SFTPD: variants seen among roughly 807,000 people sequenced by gnomAD.
The protein encoded by SFTPD is pulmonary surfactant-associated protein D.
SFTPD carries 18 observed loss-of-function variants against 34.6 expected under a neutral mutation model. That is an observed-to-expected ratio of 0.52 (90% CI 0.36 to 0.77). The LOEUF (loss-of-function observed/expected upper bound fraction) is 0.77. Among genes scored for constraint, SFTPD ranks in the 30% least tolerant of loss-of-function variants. The pLI is 0.00. For synonymous variants in SFTPD, 155 were observed against 180.9 expected, an observed-to-expected ratio of 0.86 and a Z score of 1.15; for missense variants, 433 against 468.9, an observed-to-expected ratio of 0.92 and a Z score of 0.71.
chr10:79,946,254 G>C (rs1418381031), intron 2 of SFTPD, among the ~76,000 whole-genome samples: 1 of 152,188 alleles, frequency 6.6e-6, no homozygotes, highest in East Asian at 1.9e-4. Context: ...TAGAGGAGGA[G>C]CTAGGGCAGT....
intron 1 of SFTPD, among the ~76,000 whole-genome samples, chr10:79,948,823 C>A (rs1390769567): frequency 1.3e-5 from 2 of 152,144 alleles, no homozygotes; most frequent in Non-Finnish European, 2.9e-5. Context: ...GTGTCACACC[C>A]ACTCTTCCAC....
rs1842618363 is a variant in SFTPD at position 79,942,053 on chromosome 10, C to T, written c.451G>A (p.Gly151Ser). 1 of 1,612,386 alleles carries T rather than the reference C, an allele frequency of 6.2e-7. No individual in the cohort carries two copies. The highest frequency in any genetic ancestry group is 8.5e-7 in the Non-Finnish European group (1 of 1,178,864). Residue 151 changes from glycine (G) to serine (S), a missense_variant, in exon 5 of 8, where the codon GGC becomes AGC. By Grantham distance (56) the Gly-to-Ser change is moderately conservative. Coordinates refer to ENST00000372292, the MANE Select transcript of SFTPD (RefSeq NM_003019.5). ...CTTGCCCCTGCCGAGCCCTGCATGCCTGGGGCACCTACTTCTCCTGAAGAA... is the reference window on the plus strand; with the variant it reads ...CTTGCCCCTGCCGAGCCCTGCATGCTTGGGGCACCTACTTCTCCTGAAGAA... ...AGPKGEVGAP[G>S]MQGSAGARGL...
chr10:79,940,580 C>T (rs1564528415), intron 7 of SFTPD, 125 bp downstream of exon 7: 2 of 656,878 alleles, frequency 3.0e-6, no homozygotes, highest in South Asian at 1.8e-5. Flanking sequence ...CCATCCTAGA[C>T]CCAGGGCAGG....
chr10:79,946,600 TTCC>T lies in SFTPD; in HGVS notation c.57_59del (p.Glu20del). 6.2e-7 allele frequency: 1 copy of T among 1,614,176 alleles called. No individual in the cohort carries two copies. The highest frequency in any genetic ancestry group is 1.7e-5 in the Admixed American group (1 of 60,032). ...TGTGGGAGTAGGTCTTCATTTCTGC[TTCC>T]AGGTAGCCCAGGGGCTGTGTGAGCA... On this transcript the variant is annotated inframe_deletion, in exon 2 of 8. Transcript: ENST00000372292.
intron 1 of SFTPD, among the ~76,000 whole-genome samples, chr10:79,965,648 T>C (rs1842800053): frequency 8.6e-6 from 1 of 115,634 alleles, no homozygotes; most frequent in Non-Finnish European, 1.7e-5. Flanking sequence ...TAGTTACATA[T>C]GTATACATGT....
chr10:79,965,592 T>TTA, intron 1 of SFTPD, among the ~76,000 whole-genome samples: 1 of 137,494 alleles, frequency 7.3e-6, no homozygotes, highest in African/African-American at 2.8e-5. Context: ...ATGTTTTTTT[T>TTA]TTATTATACT....
chr10:79,978,915 A>T (rs2132529350), intron 1 of SFTPD, among the ~76,000 whole-genome samples: 1 of 152,124 alleles, frequency 6.6e-6, no homozygotes, highest in Non-Finnish European at 1.5e-5. Flanking sequence ...AAGAAGTAAA[A>T]TTGTCTGTCT....
chr10:79,959,208 G>T (rs558756108), intron 1 of SFTPD, among the ~76,000 whole-genome samples: 2 of 145,756 alleles, frequency 1.4e-5, no homozygotes, highest in Non-Finnish European at 2.9e-5. Flanking sequence ...ATCCAAAATT[G>T]ACACCCTAAC....
upstream of SFTPD, among the ~76,000 whole-genome samples, chr10:79,949,605 C>T (rs537710856): frequency 7.9e-5 from 12 of 152,324 alleles, no homozygotes; most frequent in South Asian, 1.4e-3. Context: ...GAGGCAGCAG[C>T]ATGTGGGGGC....
At chr10:79,947,396 G>C (rs1842676035) in intron 1 of SFTPD, among the ~76,000 whole-genome samples, 1 of 152,172 alleles carries the variant, frequency 6.6e-6, no homozygotes, top group African/African-American at 2.4e-5. Context: ...GTTTGGAAAA[G>C]AAGTATGTGG....
At chr10:79,966,594 C>A (rs1185962208) in intron 1 of SFTPD, among the ~76,000 whole-genome samples, 1 of 146,498 alleles carries the variant, frequency 6.8e-6, no homozygotes, top group Non-Finnish European at 1.5e-5. Flanking sequence ...TTAATTAGAT[C>A]CCATTTGTCA....
At chr10:79,968,027 GAAAAA>G (rs1431508464) in intron 1 of SFTPD, among the ~76,000 whole-genome samples, 1 of 115,602 alleles carries the variant, frequency 8.7e-6, no homozygotes, top group Non-Finnish European at 1.8e-5. Flanking sequence ...TTATTGCTCA[GAAAAA>G]AAAAAAAAAG....
chr10:79,943,387 G>A (rs1325077146), intron 2 of SFTPD, among the ~76,000 whole-genome samples: 1 of 152,176 alleles, frequency 6.6e-6, no homozygotes, highest in Non-Finnish European at 1.5e-5. Context: ...GTCCTGCTCA[G>A]CAGGGGGTTC....
chr10:79,942,173 G>T, intron 4 of SFTPD, 103 bp from the exon 5 acceptor site: 1 of 830,910 alleles, frequency 1.2e-6, no homozygotes, highest in South Asian at 1.6e-5. Context: ...GGGTCAGAGA[G>T]AGAAGTGGGG....
intron 2 of SFTPD, among the ~76,000 whole-genome samples, 163 bp downstream of exon 2, chr10:79,946,298 C>T (rs1842663516): frequency 6.6e-6 from 1 of 152,178 alleles, no homozygotes; most frequent in Admixed American, 6.5e-5. Context: ...GGGCTCAGCA[C>T]AGCCACTTGT....
At chr10:79,974,236 C>T (rs980893276) in intron 1 of SFTPD, among the ~76,000 whole-genome samples, 3 of 152,100 alleles carry the variant, frequency 2.0e-5, no homozygotes, top group Admixed American at 6.5e-5. Flanking sequence ...GGCACGATCT[C>T]GGCTCACTGC....
Position 79,963,074 on chromosome 10 carries a change from G to C in SFTPD, c.37-16412C>G, listed in dbSNP as rs531616982. On this transcript the variant is annotated intron_variant, in intron 1 of 5. Transcript: ENST00000444384. The stretch of plus-strand genomic sequence containing the variant: ...AAAAAGATTTCCAGCTGGGCACAGT[G>C]GTTCACATCTGTAATCCTAGCATTT... Among the ~76,000 whole-genome samples, 10 of 152,246 alleles carry C rather than the reference G, an allele frequency of 6.6e-5. No individual in the cohort carries two copies. In the East Asian group the frequency reaches 1.3e-3, roughly 21 times the overall value.
intron 1 of SFTPD, among the ~76,000 whole-genome samples, chr10:79,964,157 A>C (rs61860403): frequency 0.15 from 22,307 of 152,168 alleles, 2,072 homozygotes; most frequent in East Asian, 0.41. Flanking sequence ...TTGCAAAAGG[A>C]CTACTCATCA....
rs911887 is a variant in SFTPD at position 79,941,767 on chromosome 10, T to C, written c.550+187A>G. Among the ~76,000 whole-genome samples the C allele has an allele frequency of 0.4, 60,941 of 151,908 alleles. 12,532 individuals are homozygous for C. The highest frequency in any genetic ancestry group is 0.42 in the Non-Finnish European group (28,731 of 67,924). ...TACAGACTTCTCCATTGCTTGCGCCTCACTCTCCCTAGATAGGAACAGTCC... is the reference window on the plus strand; with the variant it reads ...TACAGACTTCTCCATTGCTTGCGCCCCACTCTCCCTAGATAGGAACAGTCC... On this transcript the variant is annotated intron_variant, in intron 5 of 7. Transcript: ENST00000372292.
Sources: gnomAD v4.1 joint callset for allele counts (sites outside exome capture counted in the v4.1 genomes callset) on GRCh38, gnomAD v4.1.1 for gene constraint, MANE v1.5 for transcripts, NCBI Gene and HGNC (gene_info 2026-07-23, HGNC 2026-07-21) for gene names.